The following MSTO1 variants were observed in gnomAD, a reference collection of about 807,000 sequenced individuals.
MSTO1 encodes the protein protein misato homolog 1.
Under a neutral mutation model 55.7 loss-of-function variants are expected in MSTO1, and 24 were observed. The observed-to-expected ratio is 0.43, with a 90% CI of 0.31 to 0.61. The LOEUF is 0.61. Among genes scored for constraint, MSTO1 ranks in the 20% least tolerant of loss-of-function variants. The pLI, the probability that MSTO1 is intolerant of heterozygous loss-of-function variation, is 0.09. For synonymous variants in MSTO1, 162 were observed against 252.8 expected, an observed-to-expected ratio of 0.64 and a Z score of 3.41; for missense variants, 363 against 625.7, an observed-to-expected ratio of 0.58 and a Z score of 4.48.
chr1:155,578,500 G>T, the MSTO1 span, among the ~76,000 whole-genome samples: 4 of 147,676 alleles, frequency 2.7e-5, no homozygotes, highest in Admixed American at 2.7e-4. Flanking sequence ...CACCACGCCC[G>T]GCTAATCTTT....
the MSTO1 span, among the ~76,000 whole-genome samples, chr1:155,595,521 C>T: frequency 4.2e-5 from 6 of 141,988 alleles, no homozygotes; most frequent in Non-Finnish European, 9.1e-5. Context: ...TGGAGTCTTA[C>T]TCTGTTGTTA....
upstream of MSTO1, among the ~76,000 whole-genome samples, chr1:155,607,112 G>A (rs1371739739): frequency 6.8e-6 from 1 of 146,648 alleles, no homozygotes. Flanking sequence ...GATTACAGGT[G>A]TGAGCCACCA....
At chr1:155,605,704 G>T (rs2148974561), upstream of MSTO1, among the ~76,000 whole-genome samples, 1 of 152,184 alleles carries the variant, frequency 6.6e-6, no homozygotes, top group East Asian at 1.9e-4. Context: ...TTGAATTAAG[G>T]GGTTCAAACT....
the MSTO1 span, among the ~76,000 whole-genome samples, chr1:155,568,265 A>C: frequency 6.6e-6 from 1 of 151,532 alleles, no homozygotes; most frequent in South Asian, 2.1e-4. Context: ...GTTTTAGTAG[A>C]GATGGGGTTT....
At chr1:155,609,465 G>T (rs1176823442), upstream of MSTO1, among the ~76,000 whole-genome samples, 1 of 149,150 alleles carries the variant, frequency 6.7e-6, no homozygotes, top group Admixed American at 6.7e-5. Flanking sequence ...AGCCAGGATG[G>T]TCTCGATCTC....
At chr1:155,579,237 C>T in the MSTO1 span, among the ~76,000 whole-genome samples, 9 of 151,706 alleles carry the variant, frequency 5.9e-5, no homozygotes, top group African/African-American at 1.2e-4. Flanking sequence ...CGCTTGAACC[C>T]GGGAGGCAGA....
At position 155,610,264 on chromosome 1, in the gene MSTO1, C is replaced by T. The variant is rs761442931; in HGVS notation, c.16C>T (p.Arg6Trp). Reference protein sequence around the residue: MAGGAREVLTLQLGHF... With the variant: MAGGAWEVLTLQLGHF... The stretch of plus-strand genomic sequence containing the variant: ...GCAGCGCAGTATGGCGGGCGGGGCC[C>T]GGGAGGTGCTCACACTGCAGTTGGG... The change falls in exon 1 of 14, where the codon CGG (arginine) becomes TGG (tryptophan). Residue 6 changes from arginine to tryptophan, a missense_variant. Physicochemically the swap from Arg to Trp is moderately radical, Grantham distance 101. Around this residue, in one of 3 missense-constraint regions of MSTO1, gnomAD observed 94 missense variants for 212.4 expected, o/e 0.44. Coordinates refer to ENST00000245564, the MANE Select transcript of MSTO1 (RefSeq NM_018116.4). The T allele has an allele frequency of 3.8e-6, 3 of 782,896 alleles. No homozygotes were observed. The highest frequency in any genetic ancestry group is 5.1e-5 in the Admixed American group (2 of 39,198). 48.5% of individuals were successfully genotyped at this position (782,896 alleles called of 1,614,324 possible).
upstream of MSTO1, among the ~76,000 whole-genome samples, chr1:155,606,984 G>A (rs1230480414): frequency 1.3e-5 from 2 of 151,538 alleles, no homozygotes; most frequent in African/African-American, 2.4e-5. Context: ...ACAGGCACGC[G>A]CCACCTCGTC....
At chr1:155,591,184 G>A in the MSTO1 span, 1 of 1,612,902 alleles carries the variant, frequency 6.2e-7, no homozygotes, top group Non-Finnish European at 8.5e-7. Context: ...CACATGGGCA[G>A]GACGCAGGAG....
the MSTO1 span, chr1:155,601,993 A>T: frequency 1.2e-4 from 49 of 420,688 alleles, no homozygotes; most frequent in South Asian, 9.8e-4. Flanking sequence ...TGACCTCGTG[A>T]TCCGCCCACC....
At chr1:155,567,493 T>C in the MSTO1 span, among the ~76,000 whole-genome samples, 8 of 151,690 alleles carry the variant, frequency 5.3e-5, no homozygotes, top group Admixed American at 1.3e-4. Context: ...TTTGTATTTT[T>C]AGTAGAGACG....
chr1:155,572,800 G>A, the MSTO1 span, among the ~76,000 whole-genome samples: 51 of 152,064 alleles, frequency 3.4e-4, no homozygotes, highest in African/African-American at 1.1e-3. Flanking sequence ...GCAGGCATGC[G>A]CCACCACGTC....
chr1:155,564,816 C>G, the MSTO1 span, among the ~76,000 whole-genome samples: 1 of 152,134 alleles, frequency 6.6e-6, no homozygotes, highest in African/African-American at 2.4e-5. Context: ...TAGCGCAAAG[C>G]AAGTCACAGA....
At chr1:155,581,609 G>A in the MSTO1 span, among the ~76,000 whole-genome samples, 4 of 151,846 alleles carry the variant, frequency 2.6e-5, no homozygotes, top group East Asian at 1.9e-4. Flanking sequence ...ATGGGGTTTC[G>A]CCATGTTGAC....
upstream of MSTO1, among the ~76,000 whole-genome samples, chr1:155,609,238 TATATA>T (rs370105568): frequency 2.7e-3 from 180 of 66,976 alleles, 7 homozygotes; most frequent in East Asian, 0.028. Context: ...TATATATATA[TATATA>T]TTTTTTTTTT....
chr1:155,588,033 C>T, the MSTO1 span, among the ~76,000 whole-genome samples: 2 of 151,764 alleles, frequency 1.3e-5, no homozygotes, highest in African/African-American at 2.4e-5. Flanking sequence ...TGGTGAAACC[C>T]CGTCTCTACT....
the MSTO1 span, among the ~76,000 whole-genome samples, chr1:155,566,662 C>G: frequency 6.6e-6 from 1 of 151,770 alleles, no homozygotes; most frequent in Admixed American, 6.6e-5. Flanking sequence ...GTTACCCAGG[C>G]TGGAGTGCAA....
chr1:155,608,341 TA>T (rs1490143620), upstream of MSTO1, among the ~76,000 whole-genome samples: 1 of 152,072 alleles, frequency 6.6e-6, no homozygotes, highest in Non-Finnish European at 1.5e-5. Context: ...AATTCTTTTA[TA>T]GAGAGGATAG....
At chr1:155,574,033 G>A in the MSTO1 span, among the ~76,000 whole-genome samples, 1 of 152,064 alleles carries the variant, frequency 6.6e-6, no homozygotes, top group South Asian at 2.1e-4. Context: ...ATCTTCAGAT[G>A]TGGAATCTTC....
Sources: gnomAD v4.1 joint callset for allele counts (sites outside exome capture counted in the v4.1 genomes callset) on GRCh38, gnomAD v4.1.1 for gene constraint, gnomAD v4.1.1 regional missense constraint, MANE v1.5 for transcripts, NCBI Gene and HGNC (gene_info 2026-07-23, HGNC 2026-07-21) for gene names.